THSD4: variants seen among roughly 807,000 people sequenced by gnomAD.
The protein encoded by THSD4 is thrombospondin type 1 domain containing 4, also known as thrombospondin type-1 domain-containing protein 4.
In THSD4, 69 loss-of-function variants were observed where a neutral mutation model predicts 119.0. The ratio of observed to expected loss-of-function variants is 0.58; its 90% CI spans 0.48 to 0.71. The LOEUF (loss-of-function observed/expected upper bound fraction) is 0.71. Ranked by LOEUF, THSD4 falls within the 30% of genes least tolerant of loss-of-function variation. THSD4 has a pLI of 0.00. For missense variants in THSD4, 1,393 were observed against 1,391.1 expected (o/e 1.00, Z -0.02); for synonymous variants, 524 against 540.4 (o/e 0.97, Z 0.42).
chr15:71,525,815 TTGGTGAGAGC>T (rs967837573), intron 7 of THSD4, among the ~76,000 whole-genome samples: 11 of 152,198 alleles, frequency 7.2e-5, no homozygotes, highest in African/African-American at 2.4e-4. Flanking sequence ...ATCATGGTCC[TTGGTGAGAGC>T]TGGTGAGAGC....
At chr15:71,234,775 G>C (rs1212124776) in intron 4 of THSD4, among the ~76,000 whole-genome samples, 1 of 152,072 alleles carries the variant, frequency 6.6e-6, no homozygotes, top group East Asian at 1.9e-4. Flanking sequence ...ACTGATCTTT[G>C]AGTCTTCCCT....
intron 6 of THSD4, among the ~76,000 whole-genome samples, chr15:71,372,843 G>A (rs577415104): frequency 9.2e-4 from 140 of 152,346 alleles, no homozygotes; most frequent in African/African-American, 3.1e-3. Context: ...GGTTTCTGCC[G>A]CCTTTTGTTC....
intron 8 of THSD4, among the ~76,000 whole-genome samples, chr15:71,674,917 C>T (rs558032638): frequency 6.6e-6 from 1 of 152,290 alleles, no homozygotes; most frequent in East Asian, 1.9e-4. Flanking sequence ...TGTTTGATCA[C>T]TAAGATCCCT....
chr15:71,173,891 C>A (rs2043410749), intron 3 of THSD4, among the ~76,000 whole-genome samples: 1 of 151,930 alleles, frequency 6.6e-6, no homozygotes, highest in Non-Finnish European at 1.5e-5. Context: ...GACAATGGTG[C>A]CAAGACCATT....
At chr15:71,576,817 C>G (rs1295055647) in intron 7 of THSD4, among the ~76,000 whole-genome samples, 1 of 152,030 alleles carries the variant, frequency 6.6e-6, no homozygotes, top group Non-Finnish European at 1.5e-5. Context: ...TTTGCCTTGG[C>G]TACCAGTGGT....
intron 7 of THSD4, among the ~76,000 whole-genome samples, chr15:71,513,126 T>C (rs1369490837): frequency 6.6e-6 from 1 of 151,498 alleles, no homozygotes; most frequent in African/African-American, 2.4e-5. Flanking sequence ...AGACCAGACA[T>C]CCACACACCA....
chr15:71,542,749 C>A (rs1310741266), intron 7 of THSD4, among the ~76,000 whole-genome samples: 2 of 151,784 alleles, frequency 1.3e-5, no homozygotes, highest in Non-Finnish European at 2.9e-5. Flanking sequence ...TGGTGGCGGG[C>A]ACTTGTAGTC....
At chr15:71,525,915 G>C (rs1408261773) in intron 7 of THSD4, among the ~76,000 whole-genome samples, 1 of 152,176 alleles carries the variant, frequency 6.6e-6, no homozygotes, top group African/African-American at 2.4e-5. Context: ...GACAGGGAAT[G>C]GGTCTCATTC....
intron 8 of THSD4, among the ~76,000 whole-genome samples, chr15:71,712,817 G>A (rs367583953): frequency 1.1e-4 from 17 of 152,292 alleles, no homozygotes; most frequent in African/African-American, 4.1e-4. Context: ...CTAAGTGGAG[G>A]AAGCCAGACT....
intron 7 of THSD4, among the ~76,000 whole-genome samples, chr15:71,519,720 CA>C: frequency 6.6e-6 from 1 of 152,214 alleles, no homozygotes; most frequent in South Asian, 2.1e-4. Context: ...TGTACAGTAG[CA>C]AGACAGGAAG....
chr15:71,294,596 G>T (rs1215655783), intron 6 of THSD4, among the ~76,000 whole-genome samples: 1 of 152,122 alleles, frequency 6.6e-6, no homozygotes, highest in Non-Finnish European at 1.5e-5. Context: ...AAGCTGCCAT[G>T]ACCATCTCGG....
chr15:71,565,075 T>G (rs1383832306), intron 7 of THSD4, among the ~76,000 whole-genome samples: 1 of 152,176 alleles, frequency 6.6e-6, no homozygotes, highest in Admixed American at 6.5e-5. Flanking sequence ...TTTTTAAGCC[T>G]TTTGAATCTT....
intron 8 of THSD4, among the ~76,000 whole-genome samples, chr15:71,725,800 C>G (rs573032444): frequency 6.6e-6 from 1 of 151,876 alleles, no homozygotes; most frequent in South Asian, 2.1e-4. Flanking sequence ...TTATATGGAC[C>G]ACTTTTTTTC....
chr15:71,110,003 G>A (rs2040292056), intron 1 of THSD4, among the ~76,000 whole-genome samples: 2 of 152,214 alleles, frequency 1.3e-5, no homozygotes, highest in Non-Finnish European at 2.9e-5. Context: ...AAGAAAGCCG[G>A]TTTGCTGAAG....
intron 7 of THSD4, among the ~76,000 whole-genome samples, chr15:71,457,004 G>A (rs911655255): frequency 6.6e-6 from 1 of 152,118 alleles, no homozygotes; most frequent in Non-Finnish European, 1.5e-5. Context: ...TTGTCTCATT[G>A]AGAGAACTTG....
chr15:71,380,270 C>T (rs2046211283), intron 6 of THSD4, among the ~76,000 whole-genome samples: 1 of 152,080 alleles, frequency 6.6e-6, no homozygotes, highest in African/African-American at 2.4e-5. Flanking sequence ...TTGATCAAAA[C>T]TTTGGGCATT....
rs747966815 is a variant in THSD4 at position 71,209,605 on chromosome 15, A to G, written c.100-5430A>G. Among the ~76,000 whole-genome samples the G allele has an allele frequency of 6.6e-5, 10 of 152,244 alleles. 1 individual carries two copies. Among genetic ancestry groups the G allele is most frequent in the Non-Finnish European group, 1.2e-4 (8 of 68,018 alleles). Reference sequence around the variant, plus strand: ...CTTCCACTCCTTTCCTTACACCAACATGTCGTTTTCCATAATGGAAGATCT... The same window carrying G: ...CTTCCACTCCTTTCCTTACACCAACGTGTCGTTTTCCATAATGGAAGATCT... On this transcript the variant is annotated intron_variant, in intron 3 of 17. Coordinates refer to ENST00000261862, the MANE Select transcript of THSD4 (RefSeq NM_024817.3).
chr15:71,575,440 C>G (rs980317357), intron 7 of THSD4, among the ~76,000 whole-genome samples: 1 of 152,068 alleles, frequency 6.6e-6, no homozygotes, highest in Non-Finnish European at 1.5e-5. Context: ...TTGTAAGTTG[C>G]CTAAAATCCT....
At chr15:71,261,504 A>C (rs2044399143) in intron 6 of THSD4, among the ~76,000 whole-genome samples, 1 of 152,158 alleles carries the variant, frequency 6.6e-6, no homozygotes, top group African/African-American at 2.4e-5. Flanking sequence ...TAGGAAACTA[A>C]TATACCTAGT....
Sources: allele counts gnomAD v4.1 joint callset (sites outside exome capture counted in the v4.1 genomes callset), GRCh38; gene constraint gnomAD v4.1.1; transcripts MANE v1.5; gene names NCBI Gene and HGNC (gene_info 2026-07-23, HGNC 2026-07-21).